TMEM205: variants seen among roughly 807,000 people sequenced by gnomAD.
TMEM205 encodes MBC3205.
A neutral mutation model predicts 17.9 loss-of-function variants in TMEM205; 11 were observed. That is an observed-to-expected ratio of 0.61 (90% CI 0.39 to 1.02). The LOEUF is 1.02. TMEM205 is among the 50% of genes least tolerant of loss of function. The pLI is 0.01. For missense variants in TMEM205, 236 were observed against 239.4 expected, an observed-to-expected ratio of 0.99 and a Z score of 0.09; for synonymous variants, 86 against 97.4, an observed-to-expected ratio of 0.88 and a Z score of 0.69.
chr19:11,346,307 G>A (rs112758213), upstream of TMEM205: 6 of 477,656 alleles, frequency 1.3e-5, no homozygotes, highest in African/African-American at 8.2e-5. Flanking sequence ...AGCTGAGCCC[G>A]AAGCCAATCG....
intron 2 of TMEM205, 179 bp downstream of exon 2, chr19:11,345,073 G>C: frequency 1.7e-6 from 1 of 585,970 alleles, no homozygotes; most frequent in East Asian, 3.2e-5. Context: ...GGTCAGGCTG[G>C]TCTTGAACTC....
intron 2 of TMEM205, 106 bp downstream of exon 2, chr19:11,345,146 A>G (rs544744809): frequency 1.6e-6 from 2 of 1,288,498 alleles, no homozygotes; most frequent in East Asian, 5.0e-5. Flanking sequence ...GTGAGCCACC[A>G]TGCCTAGCCT....
intron 1 of TMEM205, 32 bp downstream of exon 1, chr19:11,345,488 G>A (rs568506352): frequency 6.2e-7 from 1 of 1,614,066 alleles, no homozygotes; most frequent in Non-Finnish European, 8.5e-7. Flanking sequence ...CCCACCCCAG[G>A]TACCCATGAC....
chr19:11,344,244 AT>A (rs1274485147), intron 2 of TMEM205, among the ~76,000 whole-genome samples: 1 of 151,496 alleles, frequency 6.6e-6, no homozygotes, highest in African/African-American at 2.4e-5. Flanking sequence ...CGCCCAGCCT[AT>A]TTTTTTTAAT....
rs1462563914 is a variant in TMEM205, at chr19:11,342,842, G to T, written c.543C>A (p.Gly181=). The change falls in exon 3 of 3, where the codon GGC becomes GGA. Residue 181 remains glycine (G), a synonymous_variant. Transcript: ENST00000354882. ...CVLSNGLCLA[G]LALEIRSL Reference sequence around the variant, plus strand: ...AGAGGCTCCTTATTTCCAGGGCAAGGCCAGCGAGACAGAGCCCATTGCTCA... The same window carrying T: ...AGAGGCTCCTTATTTCCAGGGCAAGTCCAGCGAGACAGAGCCCATTGCTCA... The T allele has an allele frequency of 6.2e-7, 1 of 1,614,004 alleles. No individual in the cohort carries two copies. Among genetic ancestry groups the T allele is most frequent in the Non-Finnish European group, 8.5e-7 (1 of 1,179,978 alleles).
chr19:11,343,363 G>A (rs190504696), intron 2 of TMEM205, among the ~76,000 whole-genome samples: 518 of 152,178 alleles, frequency 3.4e-3, no homozygotes, highest in Non-Finnish European at 5.2e-3. Flanking sequence ...CTATCCCCCC[G>A]CAAAACCTCC....
rs577994461 is a variant in TMEM205, at chr19:11,342,993, G to A, written c.392C>T (p.Pro131Leu). The change falls in exon 3 of 3, where the codon CCA becomes CTA. Residue 131 changes from proline to leucine, a missense_variant. Transcript: ENST00000354882. Reference protein sequence around the residue: ...EKERGLGGEVPGSHQGPDPYR... With the variant: ...EKERGLGGEVLGSHQGPDPYR... Reference sequence around the variant, plus strand: ...GGGATCGGGACCCTGGTGGCTGCCTGGTACCTCCCCACCCAGGCCTCGCTC... The same window carrying A: ...GGGATCGGGACCCTGGTGGCTGCCTAGTACCTCCCCACCCAGGCCTCGCTC... The A allele has an allele frequency of 1.2e-6, 2 of 1,614,186 alleles. No homozygotes were observed. Among genetic ancestry groups the A allele is most frequent in the East Asian group, 2.2e-5 (1 of 44,876 alleles).
chr19:11,343,209 G>T, intron 2 of TMEM205, 89 bp from the exon 3 acceptor site: 1 of 1,242,440 alleles, frequency 8.0e-7, no homozygotes, highest in Non-Finnish European at 1.1e-6. Flanking sequence ...CAACAGCACA[G>T]GGGTGGGGGT....
At chr19:11,346,389 C>T, upstream of TMEM205, 1 of 625,750 alleles carries the variant, frequency 1.6e-6, no homozygotes, top group Non-Finnish European at 2.8e-6. Context: ...CCTGGGATCC[C>T]GCCCCCTCCA....
chr19:11,345,822 T>A lies in TMEM205; in HGVS notation c.-203A>T. The A allele has an allele frequency of 9.5e-7, 1 of 1,050,238 alleles. No individual in the cohort carries two copies. The highest frequency in any genetic ancestry group is 1.3e-6 in the Non-Finnish European group (1 of 763,792). 65.1% of individuals were successfully genotyped at this position (1,050,238 alleles called of 1,614,324 possible). On this transcript the variant is annotated 5_prime_UTR_variant, in exon 1 of 3. Coordinates refer to ENST00000354882, the MANE Select transcript of TMEM205 (RefSeq NM_198536.3). ...CAACCCTCGACCCCATCTCTCCAAA[T>A]GTCAGCCCTCAAGATCTCAGGCTCT...
Position 11,345,280 on chromosome 19 carries a change from G to A in TMEM205, c.236C>T (p.Ala79Val). The change falls in exon 2 of 3, where the codon GCT becomes GTT. Residue 79 changes from alanine to valine, a missense_variant. Ala to Val is a moderately conservative substitution (Grantham distance 64). Coordinates refer to ENST00000354882, the MANE Select transcript of TMEM205 (RefSeq NM_198536.3). ...GCTGGCCTCCCAGAATGTGAGCTGA[G>A]CCCAAGCATGCTGTGAAGCCAAGAT... ...LCILASQHAW[A>V]QLTFWEASQL... 6.2e-7 allele frequency: 1 copy of A among 1,614,160 alleles called. No individual in the cohort carries two copies. The highest frequency in any genetic ancestry group is 1.3e-5 in the African/African-American group (1 of 75,052).
At position 11,343,095 on chromosome 19, in the gene TMEM205, G is replaced by C. The variant is rs201767859; in HGVS notation, c.290C>G (p.Thr97Arg). The stretch of plus-strand genomic sequence containing the variant: ...CCAGCGGGCGTTGACAGTGGCCAGC[G>C]TAAGGCTCAGGAACAGCAGGTAAAG... Reference protein sequence around the residue: ...SQLYLLFLSLTLATVNARWLE... With the variant: ...SQLYLLFLSLRLATVNARWLE... The change falls in exon 3 of 3, where the codon ACG (threonine) becomes AGG (arginine). Residue 97 changes from threonine to arginine, a missense_variant. By Grantham distance (71) the Thr-to-Arg change is moderately conservative (BLOSUM62 -1). Coordinates refer to ENST00000354882, the MANE Select transcript of TMEM205 (RefSeq NM_198536.3). 6.2e-7 allele frequency: 1 copy of C among 1,612,640 alleles called. No homozygotes were observed.
chr19:11,345,344 A>G lies in TMEM205; in HGVS notation c.172T>C (p.Phe58Leu). The stretch of plus-strand genomic sequence containing the variant: ...AAGGCACAGCCCATGGAGATGTGGA[A>G]GTAGAAGGGGAAGAGTTTGCTCTGC... ...LVQSKLFPFY[F>L]HISMGCAFIN... Residue 58 changes from phenylalanine (F) to leucine (L), a missense_variant, in exon 2 of 3, where the codon TTC becomes CTC. Transcript: ENST00000354882. 1 of 1,614,200 alleles carries G rather than the reference A, an allele frequency of 6.2e-7. No individual in the cohort carries two copies. The highest frequency in any genetic ancestry group is 8.5e-7 in the Non-Finnish European group (1 of 1,180,024).
In TMEM205 at chr19:11,343,014, C is replaced by T. The variant is rs753913306; in HGVS notation, c.371G>A (p.Arg124Gln). 16 of 1,614,120 alleles carry T rather than the reference C, an allele frequency of 9.9e-6. No homozygotes were observed. The highest frequency in any genetic ancestry group is 1.7e-5 in the Admixed American group (1 of 60,010). ...MWALQTVEKE[R>Q]GLGGEVPGSH... is the part of the protein sequence containing the mutation. ...GCCTGGTACCTCCCCACCCAGGCCT[C>T]GCTCCTTCTCCACGGTTTGCAGGGC... is the stretch of plus-strand genomic sequence containing the variant. Residue 124 changes from arginine to glutamine, a missense_variant, in exon 3 of 3, where the codon CGA (arginine) becomes CAA (glutamine). Arg to Gln is a conservative substitution (Grantham distance 43, BLOSUM62 1). Coordinates refer to ENST00000354882, the MANE Select transcript of TMEM205 (RefSeq NM_198536.3).
Position 11,345,249 on chromosome 19 carries a change from T to C in TMEM205, c.264+3A>G, listed in dbSNP as rs1196915474. ...GAGGGCAGTGGCACTCAAACCCACG[T>C]ACCTGGCTGGCCTCCCAGAATGTGA... On this transcript the variant is annotated splice_donor_region_variant and intron_variant, in intron 2 of 2. Transcript: ENST00000354882. 1 of 1,614,034 alleles carries C rather than the reference T, an allele frequency of 6.2e-7. No homozygotes were observed. The highest frequency in any genetic ancestry group is 2.2e-5 in the East Asian group (1 of 44,872).
At chr19:11,345,199 C>T in intron 2 of TMEM205, 53 bp downstream of exon 2, 2 of 1,597,268 alleles carry the variant, frequency 1.3e-6, no homozygotes, top group South Asian at 1.1e-5. Context: ...TAGGCGCTGA[C>T]TGAGGTCCTG....
intron 2 of TMEM205, 88 bp downstream of exon 2, chr19:11,345,164 T>C (rs8108274): frequency 0.044 from 60,892 of 1,397,456 alleles, 3,132 homozygotes; most frequent in African/African-American, 0.27. Flanking sequence ...CCTTTTTTTT[T>C]CCCCCCCTGG....
intron 2 of TMEM205, among the ~76,000 whole-genome samples, chr19:11,343,790 C>CAAACA (rs1179218090): frequency 6.6e-6 from 1 of 151,998 alleles, no homozygotes; most frequent in East Asian, 1.9e-4. Context: ...GTCTCAAAAA[C>CAAACA]AAACAAAACA....
At chr19:11,344,051 T>A (rs1299721867) in intron 2 of TMEM205, among the ~76,000 whole-genome samples, 2 of 151,162 alleles carry the variant, frequency 1.3e-5, no homozygotes, top group African/African-American at 4.9e-5. Context: ...TTCAAGCAAT[T>A]CTCCTGCCTC....
Sources: allele counts gnomAD v4.1 joint callset (sites outside exome capture counted in the v4.1 genomes callset), GRCh38; gene constraint gnomAD v4.1.1; transcripts MANE v1.5; gene names NCBI Gene and HGNC (gene_info 2026-07-23, HGNC 2026-07-21).